Variants in RNF212B observed in about 807,000 individuals in gnomAD.
The protein encoded by RNF212B is ring finger protein 212B, also known as E3 ubiquitin-protein ligase RNF212B.
In RNF212B, 52 loss-of-function variants were observed where a neutral mutation model predicts 55.5. That is an observed-to-expected ratio of 0.94 (90% CI 0.75 to 1.18). The LOEUF (loss-of-function observed/expected upper bound fraction) is 1.18. Among genes scored for constraint, RNF212B ranks in the 50% most tolerant of loss-of-function variants. The probability of loss-of-function intolerance (pLI) is 0.00; values close to 1 mark genes in which losing one functional copy is unlikely to be tolerated. For synonymous variants in RNF212B, 99 were observed against 121.4 expected (o/e 0.82, Z 1.21); for missense variants, 289 against 350.4 (o/e 0.82, Z 1.40).
chr14:23,233,562 C>CAAAAAAAAAAA (rs35654046), upstream of RNF212B, among the ~76,000 whole-genome samples: 1 of 58,390 alleles, frequency 1.7e-5, no homozygotes, highest in Non-Finnish European at 3.1e-5. Flanking sequence ...CCCATCTCTA[C>CAAAAAAAAAAA]AAAAAAAAAA....
Position 23,269,871 on chromosome 14 carries a change from C to T in RNF212B, c.683C>T (p.Ser228Phe), listed in dbSNP as rs1261216568. 5.2e-6 allele frequency: 8 copies of T among 1,539,684 alleles called. No individual in the cohort carries two copies. The highest frequency in any genetic ancestry group is 7.0e-6 in the Non-Finnish European group (8 of 1,137,402). Residue 228 changes from serine (S) to phenylalanine (F), a missense_variant, in exon 13 of 15, where the codon TCT (serine) becomes TTT (phenylalanine). Coordinates refer to ENST00000430154, the MANE Select transcript of RNF212B (RefSeq NM_001282322.3). ...STHSLSYRTSSASSGQGIFSF... is the reference protein window; with the variant it reads ...STHSLSYRTSFASSGQGIFSF... The stretch of plus-strand genomic sequence containing the variant: ...TTATTTGCTTTCCTTAGAACTTCAT[C>T]TGCCTCCTCTGGACAGGGGATTTTT...
At chr14:23,220,846 A>C (rs1309869865) in intron 2 of RNF212B, among the ~76,000 whole-genome samples, 2 of 152,046 alleles carry the variant, frequency 1.3e-5, no homozygotes, top group Non-Finnish European at 2.9e-5. Context: ...CAAAACAAAA[A>C]ACAAATACAC....
chr14:23,212,607 G>A (rs1212130278), intron 2 of RNF212B, among the ~76,000 whole-genome samples: 6 of 151,008 alleles, frequency 4.0e-5, no homozygotes, highest in African/African-American at 7.3e-5. Flanking sequence ...ACAGAGTCTC[G>A]CTCTGTCGCC....
In RNF212B at chr14:23,190,381, C is replaced by T. The variant is rs61976533; in HGVS notation, c.-78-2944C>T. 9.7e-3 allele frequency among the ~76,000 whole-genome samples: 1,477 copies of T among 152,296 alleles called. 12 individuals are homozygous for T. The highest frequency in any genetic ancestry group is 0.015 in the Non-Finnish European group (1,021 of 68,024). On this transcript the variant is annotated intron_variant, in intron 1 of 15. Transcript: ENST00000399910. ...ATGCCCAAAAGAGAGTGCGTGCTTT[C>T]CGCTCCAAACCTGATTTTTGCCCAG...
At chr14:23,218,403 A>G (rs1389535549) in intron 2 of RNF212B, among the ~76,000 whole-genome samples, 1 of 151,688 alleles carries the variant, frequency 6.6e-6, no homozygotes, top group Admixed American at 6.6e-5. Flanking sequence ...AATGCAATTA[A>G]CATGCTGAAG....
upstream of RNF212B, among the ~76,000 whole-genome samples, chr14:23,235,231 C>T (rs1883017345): frequency 6.6e-6 from 1 of 151,178 alleles, no homozygotes; most frequent in South Asian, 2.1e-4. Context: ...AAAAAATAGC[C>T]AGGCAAGGTG....
intron 2 of RNF212B, among the ~76,000 whole-genome samples, chr14:23,221,972 T>C (rs1002848539): frequency 6.6e-6 from 1 of 152,006 alleles, no homozygotes; most frequent in African/African-American, 2.4e-5. Flanking sequence ...CCAAAACCTA[T>C]GGGATATAGT....
intron 4 of RNF212B, among the ~76,000 whole-genome samples, chr14:23,245,842 G>A (rs1040397135): frequency 2.0e-5 from 3 of 152,144 alleles, no homozygotes; most frequent in African/African-American, 7.2e-5. Context: ...TAAGCTCCAT[G>A]AAAACAGATT....
At chr14:23,267,965 G>A (rs1420014658) in intron 11 of RNF212B, among the ~76,000 whole-genome samples, 1 of 152,154 alleles carries the variant, frequency 6.6e-6, no homozygotes, top group Admixed American at 6.5e-5. Context: ...AGATAAGGAA[G>A]GACTGACTTC....
intron 2 of RNF212B, 54 bp downstream of exon 2, chr14:23,240,499 G>A (rs1566421976): frequency 2.7e-6 from 3 of 1,120,704 alleles, no homozygotes; most frequent in Non-Finnish European, 3.9e-6. Context: ...ATGTAAGGAT[G>A]TAAGGAGTAG....
At chr14:23,233,481 T>C (rs964753663), upstream of RNF212B, among the ~76,000 whole-genome samples, 11 of 149,492 alleles carry the variant, frequency 7.4e-5, no homozygotes, top group African/African-American at 2.7e-4. Flanking sequence ...ATCCCAGTAC[T>C]TTAGGAGGCT....
intron 2 of RNF212B, among the ~76,000 whole-genome samples, chr14:23,209,746 A>G (rs1880291155): frequency 8.1e-6 from 1 of 123,738 alleles, no homozygotes; most frequent in Non-Finnish European, 1.9e-5. Flanking sequence ...AAACCTGGCA[A>G]CCACTCTCTT....
At chr14:23,202,849 CAAAAAAA>C (rs796329912) in intron 2 of RNF212B, among the ~76,000 whole-genome samples, 1 of 63,410 alleles carries the variant, frequency 1.6e-5, no homozygotes, top group Non-Finnish European at 3.4e-5. Flanking sequence ...GACCCTGTCT[CAAAAAAA>C]AAAAAAAAAA....
chr14:23,220,830 AC>A (rs1389963872), intron 2 of RNF212B, among the ~76,000 whole-genome samples: 12 of 152,142 alleles, frequency 7.9e-5, no homozygotes, highest in South Asian at 4.1e-4. Context: ...ATCAAAAAAA[AC>A]AAAACAAAAC....
rs1880358558 is a variant in RNF212B at position 23,210,313 on chromosome 14, GACC to G, written c.-2+16914_-2+16916del. Among the ~76,000 whole-genome samples the G allele has an allele frequency of 2.0e-5, 3 of 152,200 alleles. No homozygotes were observed. The South Asian group carries it at 6.2e-4, about 32-fold the overall frequency. On this transcript the variant is annotated intron_variant, in intron 2 of 15. Transcript: ENST00000399910. ...AATGAAAGATTGAGAAACCGTCTCT[GACC>G]AGAGAATGCTAATGAGACATGACAA...
At chr14:23,202,590 G>A (rs1484381204) in intron 2 of RNF212B, among the ~76,000 whole-genome samples, 2 of 152,136 alleles carry the variant, frequency 1.3e-5, no homozygotes, top group African/African-American at 4.8e-5. Flanking sequence ...GATGGCTCAC[G>A]CCTGTAATCC....
Position 23,230,551 on chromosome 14 carries a change from A to G in RNF212B, c.-1-9794A>G, listed in dbSNP as rs372481437. ...GGCCTGTAGTCCCAGCTACTCGGGAAGCTGAGGCAGGAGAATGGCGTGAAC... is the reference window on the plus strand; with the variant it reads ...GGCCTGTAGTCCCAGCTACTCGGGAGGCTGAGGCAGGAGAATGGCGTGAAC... On this transcript the variant is annotated intron_variant, in intron 2 of 15. Coordinates refer to the RNF212B transcript ENST00000399910. 9.2e-3 allele frequency among the ~76,000 whole-genome samples: 1,370 copies of G among 148,410 alleles called. 17 individuals are homozygous for G. Among genetic ancestry groups the G allele is most frequent in the African/African-American group, 0.032 (1,286 of 39,902 alleles).
intron 2 of RNF212B, among the ~76,000 whole-genome samples, chr14:23,216,326 C>T (rs892595141): frequency 1.3e-5 from 2 of 151,850 alleles, no homozygotes; most frequent in Non-Finnish European, 2.9e-5. Context: ...AATAAAAATG[C>T]AATTCTAAAC....
intron 13 of RNF212B, among the ~76,000 whole-genome samples, chr14:23,270,166 T>G (rs1178634381): frequency 2.0e-5 from 3 of 152,222 alleles, no homozygotes; most frequent in African/African-American, 7.2e-5. Flanking sequence ...ACTCATCCTG[T>G]CACCAGTCGA....
Sources: allele counts gnomAD v4.1 joint callset (sites outside exome capture counted in the v4.1 genomes callset), GRCh38; gene constraint gnomAD v4.1.1; transcripts MANE v1.5; gene names NCBI Gene and HGNC (gene_info 2026-07-23, HGNC 2026-07-21).